The following EBF1 variants were observed in gnomAD, a reference collection of about 807,000 sequenced individuals.
EBF1 encodes the protein EBF transcription factor 1.
In EBF1, 10 loss-of-function variants were observed where a neutral mutation model predicts 68.4. The observed-to-expected ratio is 0.15, with a 90% CI of 0.09 to 0.25. The LOEUF is 0.25. Ranked by LOEUF, EBF1 falls within the 10% of genes least tolerant of loss-of-function variation. The pLI is 1.00. For synonymous variants in EBF1, 298 were observed against 299.8 expected (o/e 0.99, Z 0.06); for missense variants, 509 against 794.4 (o/e 0.64, Z 4.32).
Position 158,713,026 on chromosome 5 carries a change from G to A in EBF1, c.1313C>T (p.Ser438Leu), listed in dbSNP as rs1215590199. The A allele has an allele frequency of 1.1e-5, 17 of 1,573,468 alleles. No homozygotes were observed. Among genetic ancestry groups the A allele is most frequent in the East Asian group, 4.7e-5 (2 of 42,922 alleles). Reference protein sequence around the residue: ...SVHAGMMGVNSFSGQLAVNVS... With the variant: ...SVHAGMMGVNLFSGQLAVNVS... ...ATTCACGGCCAGTTGTCCACTGAAC[G>A]AATTCACGCCCATCATCCCTGCGTG... The change falls in exon 13 of 16, where the codon TCG becomes TTG. Residue 438 changes from serine to leucine, a missense_variant. Physicochemically the swap from Ser to Leu is moderately radical, Grantham distance 145. Transcript: ENST00000313708.
intron 6 of EBF1, among the ~76,000 whole-genome samples, chr5:158,865,936 C>T (rs190950011): frequency 6.6e-6 from 1 of 152,168 alleles, no homozygotes; most frequent in Non-Finnish European, 1.5e-5. Context: ...TACGTTAGTC[C>T]TCAATAAATA....
chr5:158,961,056 T>A (rs1818094058), intron 6 of EBF1, among the ~76,000 whole-genome samples: 1 of 152,158 alleles, frequency 6.6e-6, no homozygotes. Context: ...TGCATATAAA[T>A]GGCCAAAAAC....
intron 7 of EBF1, among the ~76,000 whole-genome samples, chr5:158,833,891 T>A (rs1160021357): frequency 6.6e-6 from 1 of 152,234 alleles, no homozygotes; most frequent in Non-Finnish European, 1.5e-5. Flanking sequence ...TTCTTATTCA[T>A]CATGATAGAC....
At chr5:158,943,365 G>C (rs925905352) in intron 6 of EBF1, among the ~76,000 whole-genome samples, 3 of 151,320 alleles carry the variant, frequency 2.0e-5, no homozygotes, top group Non-Finnish European at 4.4e-5. Context: ...CACACATTCC[G>C]GAGGCACTGT....
At chr5:158,955,474 A>AT in intron 6 of EBF1, among the ~76,000 whole-genome samples, 1 of 152,200 alleles carries the variant, frequency 6.6e-6, no homozygotes, top group African/African-American at 2.4e-5. Context: ...CATATCAACA[A>AT]TGGCCATATC....
chr5:158,880,392 A>G (rs553548632), intron 6 of EBF1, among the ~76,000 whole-genome samples: 1 of 152,342 alleles, frequency 6.6e-6, no homozygotes, highest in South Asian at 2.1e-4. Context: ...GAAATGCGGA[A>G]GAAAGAAAAT....
At chr5:158,820,189 G>A (rs2127841899) in intron 8 of EBF1, among the ~76,000 whole-genome samples, 2 of 152,074 alleles carry the variant, frequency 1.3e-5, no homozygotes, top group African/African-American at 4.8e-5. Flanking sequence ...CCAGAATGGG[G>A]GAGAACGTAG....
At chr5:158,707,858 G>C in intron 15 of EBF1, 121 bp downstream of exon 15, 1 of 1,216,070 alleles carries the variant, frequency 8.2e-7, no homozygotes. Context: ...GATGAGGGCA[G>C]AGAGAATCAG....
intron 6 of EBF1, among the ~76,000 whole-genome samples, chr5:158,890,468 C>A (rs563095573): frequency 7.2e-5 from 11 of 152,296 alleles, no homozygotes; most frequent in African/African-American, 2.6e-4. Flanking sequence ...TTTTAATTTT[C>A]TTTTCTAAAG....
At chr5:158,902,649 G>T (rs1010052612) in intron 6 of EBF1, among the ~76,000 whole-genome samples, 3 of 150,194 alleles carry the variant, frequency 2.0e-5, no homozygotes, top group East Asian at 1.9e-4. Context: ...TAGAGACAAG[G>T]TCTCTCTATG....
chr5:158,981,618 A>C (rs1219392176), intron 6 of EBF1, among the ~76,000 whole-genome samples: 2 of 152,156 alleles, frequency 1.3e-5, no homozygotes, highest in Non-Finnish European at 2.9e-5. Flanking sequence ...TATAATATTA[A>C]AATATTAAAA....
chr5:158,890,937 C>A (rs1431360048), intron 6 of EBF1, among the ~76,000 whole-genome samples: 1 of 152,132 alleles, frequency 6.6e-6, no homozygotes, highest in Non-Finnish European at 1.5e-5. Context: ...TTGTTTTCTT[C>A]CCCTTGCCTG....
intron 6 of EBF1, among the ~76,000 whole-genome samples, chr5:159,057,688 C>T (rs1054154477): frequency 1.3e-5 from 2 of 152,190 alleles, no homozygotes; most frequent in African/African-American, 4.8e-5. Flanking sequence ...TGCTGTGCTT[C>T]TCTTGGCCTC....
chr5:158,791,492 G>T (rs144840713), intron 9 of EBF1, among the ~76,000 whole-genome samples: 1,748 of 151,946 alleles, frequency 0.012, 25 homozygotes, highest in African/African-American at 0.039. Flanking sequence ...TCTCTCAATT[G>T]GTTCCTTATC....
At chr5:158,949,974 C>T (rs1162665260) in intron 6 of EBF1, among the ~76,000 whole-genome samples, 1 of 152,238 alleles carries the variant, frequency 6.6e-6, no homozygotes, top group East Asian at 1.9e-4. Flanking sequence ...GTATTTGTCA[C>T]TTGACAGGTT....
intron 6 of EBF1, among the ~76,000 whole-genome samples, chr5:158,948,500 A>T (rs962061544): frequency 6.6e-6 from 1 of 152,178 alleles, no homozygotes; most frequent in African/African-American, 2.4e-5. Flanking sequence ...ATTTTTATCT[A>T]TTCCACTGGG....
At chr5:158,731,757 A>C (rs1764138676) in intron 10 of EBF1, among the ~76,000 whole-genome samples, 1 of 152,124 alleles carries the variant, frequency 6.6e-6, no homozygotes, top group Non-Finnish European at 1.5e-5. Flanking sequence ...TCACATCTGA[A>C]ATGATAGATC....
chr5:159,012,699 A>G lies in EBF1; in HGVS notation c.554+60697T>C, dbSNP rs188115323. 2.2e-3 allele frequency among the ~76,000 whole-genome samples: 334 copies of G among 152,210 alleles called. 2 individuals are homozygous for G. The highest frequency in any genetic ancestry group is 2.8e-3 in the Non-Finnish European group (189 of 68,002). ...AGTTTTGTAGAGAAAGGGTTTCGCC[A>G]TGTTGGCCAGGTTGGTCTCAAACTC... On this transcript the variant is annotated intron_variant, in intron 6 of 15. Coordinates refer to ENST00000313708, the MANE Select transcript of EBF1 (RefSeq NM_024007.5).
intron 5 of EBF1, among the ~76,000 whole-genome samples, chr5:159,076,719 G>A (rs1778845664): frequency 6.6e-6 from 1 of 152,170 alleles, no homozygotes; most frequent in Admixed American, 6.5e-5. Flanking sequence ...CATTATTCCT[G>A]AAATGAGCTA....
Sources: gnomAD v4.1 joint callset for allele counts (sites outside exome capture counted in the v4.1 genomes callset) on GRCh38, gnomAD v4.1.1 for gene constraint, MANE v1.5 for transcripts, NCBI Gene and HGNC (gene_info 2026-07-23, HGNC 2026-07-21) for gene names.